ERBB4: variants seen among roughly 807,000 people sequenced by gnomAD.
ERBB4 encodes erb-b2 receptor tyrosine kinase 4.
ERBB4 carries 42 observed loss-of-function variants against 158.0 expected under a neutral mutation model. The observed-to-expected ratio is 0.27, with a 90% CI of 0.21 to 0.34. ERBB4 has a LOEUF of 0.34. Ranked by LOEUF, ERBB4 falls within the 10% of genes least tolerant of loss-of-function variation. The probability of loss-of-function intolerance (pLI) is 1.00; values close to 1 mark genes in which losing one functional copy is unlikely to be tolerated. For synonymous variants in ERBB4, 583 were observed against 558.7 expected (o/e 1.04, Z -0.61); for missense variants, 1,333 against 1,624.1 (o/e 0.82, Z 3.08).
chr2:212,285,575 G>A (rs949021578), intron 1 of ERBB4, among the ~76,000 whole-genome samples: 2 of 151,858 alleles, frequency 1.3e-5, no homozygotes, highest in Non-Finnish European at 2.9e-5. Context: ...AAATATATAT[G>A]GTCCCAAATG....
intron 16 of ERBB4, among the ~76,000 whole-genome samples, chr2:211,645,788 C>T (rs564166477): frequency 3.7e-4 from 56 of 151,694 alleles, no homozygotes; most frequent in African/African-American, 1.2e-3. Flanking sequence ...TTTAAACTCA[C>T]ATTGTAACTT....
intron 23 of ERBB4, among the ~76,000 whole-genome samples, chr2:211,423,610 A>T (rs998488453): frequency 6.6e-5 from 10 of 152,144 alleles, no homozygotes; most frequent in Admixed American, 4.6e-4. Flanking sequence ...ATCAAATTGA[A>T]AAAAGTAAAC....
At chr2:211,839,152 AAGGAGGAGGAGGAGGAGGAGGAGGAGG>A (rs71409858) in intron 3 of ERBB4, among the ~76,000 whole-genome samples, 3 of 110,906 alleles carry the variant, frequency 2.7e-5, no homozygotes, top group African/African-American at 1.1e-4. Context: ...GGAGAGAGAG[AAGGAGGAGGAGGAGGAGGAGGAGGAGG>A]AGGAGGAGGA....
chr2:211,835,902 G>A (rs542152512), intron 3 of ERBB4, among the ~76,000 whole-genome samples: 1 of 152,014 alleles, frequency 6.6e-6, no homozygotes, highest in Non-Finnish European at 1.5e-5. Flanking sequence ...TTGAGGAACA[G>A]TTGAATACCT....
At chr2:211,453,898 A>G (rs911445922) in intron 20 of ERBB4, among the ~76,000 whole-genome samples, 10 of 152,212 alleles carry the variant, frequency 6.6e-5, no homozygotes, top group Admixed American at 2.0e-4. Flanking sequence ...ATACTAAGCT[A>G]CTAAAATTTA....
chr2:211,412,738 G>A (rs984810464), intron 25 of ERBB4, among the ~76,000 whole-genome samples: 13 of 151,796 alleles, frequency 8.6e-5, no homozygotes, highest in African/African-American at 2.9e-4. Flanking sequence ...GGTGGATGAC[G>A]AGGTCAGGAG....
chr2:211,963,971 C>A (rs978269445), intron 2 of ERBB4, among the ~76,000 whole-genome samples: 1 of 152,146 alleles, frequency 6.6e-6, no homozygotes, highest in African/African-American at 2.4e-5. Flanking sequence ...AATGAATAGT[C>A]TCTTTGCAAC....
At chr2:211,966,401 C>T (rs1575446944) in intron 2 of ERBB4, among the ~76,000 whole-genome samples, 2 of 152,114 alleles carry the variant, frequency 1.3e-5, no homozygotes, top group East Asian at 1.9e-4. Flanking sequence ...GCCACCACAC[C>T]CAGCTAATTT....
chr2:212,371,358 C>T (rs1302950364), intron 1 of ERBB4, among the ~76,000 whole-genome samples: 1 of 152,158 alleles, frequency 6.6e-6, no homozygotes, highest in Non-Finnish European at 1.5e-5. Context: ...TAAACATATC[C>T]TCTGCTCTAC....
In ERBB4 at chr2:212,492,185, T is replaced by C. The variant is rs533033643; in HGVS notation, c.82+46264A>G. ...GTAAAATATGAAATTGGATAGGATG[T>C]TGAAAGCTGTGTACCCAAATAAGAT... On this transcript the variant is annotated intron_variant, in intron 1 of 27. Transcript: ENST00000342788. Among the ~76,000 whole-genome samples the C allele has an allele frequency of 5.7e-4, 86 of 151,522 alleles. No individual in the cohort carries two copies. The South Asian group carries it at 0.017, about 29-fold the overall frequency.
chr2:212,501,076 C>T (rs1690862336), intron 1 of ERBB4, among the ~76,000 whole-genome samples: 1 of 152,142 alleles, frequency 6.6e-6, no homozygotes, highest in African/African-American at 2.4e-5. Context: ...GGGTAAGCTA[C>T]ACAACTCTCT....
At chr2:211,497,534 T>C (rs572737370) in intron 20 of ERBB4, among the ~76,000 whole-genome samples, 77 of 152,198 alleles carry the variant, frequency 5.1e-4, no homozygotes, top group African/African-American at 1.1e-3. Context: ...AATAAGGGCA[T>C]CACTTACTTC....
intron 25 of ERBB4, among the ~76,000 whole-genome samples, chr2:211,400,494 AATTTT>A (rs2125352333): frequency 6.6e-6 from 1 of 152,232 alleles, no homozygotes; most frequent in Non-Finnish European, 1.5e-5. Flanking sequence ...TTGTATCACA[AATTTT>A]ATTTGAAGTA....
intron 3 of ERBB4, among the ~76,000 whole-genome samples, chr2:211,825,552 T>C (rs895367150): frequency 5.3e-5 from 8 of 151,714 alleles, no homozygotes; most frequent in African/African-American, 1.4e-4. Context: ...GATTATCTAA[T>C]TGTTCTGAGC....
At chr2:211,635,817 G>A (rs1197021650) in intron 16 of ERBB4, among the ~76,000 whole-genome samples, 2 of 151,724 alleles carry the variant, frequency 1.3e-5, no homozygotes, top group East Asian at 1.9e-4. Context: ...AGGTAAGTTC[G>A]TCACCAAATA....
intron 1 of ERBB4, among the ~76,000 whole-genome samples, chr2:212,349,741 C>T (rs2135159): frequency 0.14 from 21,204 of 152,008 alleles, 1,579 homozygotes; most frequent in South Asian, 0.23. Flanking sequence ...GCAGTTATCC[C>T]GTAGTAAAGC....
intron 1 of ERBB4, among the ~76,000 whole-genome samples, chr2:212,309,584 C>G (rs1287576684): frequency 6.6e-6 from 1 of 150,772 alleles, no homozygotes; most frequent in East Asian, 2.0e-4. Context: ...TTATCATTCC[C>G]TAGCATAGAA....
intron 12 of ERBB4, among the ~76,000 whole-genome samples, chr2:211,700,940 T>G (rs998805522): frequency 6.6e-6 from 1 of 152,186 alleles, no homozygotes. Context: ...GTCAGATGGT[T>G]GTACTCATAA....
At chr2:212,212,482 T>C (rs2082966558) in intron 1 of ERBB4, among the ~76,000 whole-genome samples, 1 of 151,870 alleles carries the variant, frequency 6.6e-6, no homozygotes, top group Non-Finnish European at 1.5e-5. Context: ...AAAATGGCCA[T>C]ACTGTCCGAA....
Sources: allele counts gnomAD v4.1 joint callset (sites outside exome capture counted in the v4.1 genomes callset), GRCh38; gene constraint gnomAD v4.1.1; transcripts MANE v1.5; gene names NCBI Gene and HGNC (gene_info 2026-07-23, HGNC 2026-07-21).